Variants in ZAR1L observed in about 807,000 individuals in gnomAD.
ZAR1L encodes protein ZAR1-like.
Under a neutral mutation model 30.0 loss-of-function variants are expected in ZAR1L, and 16 were observed. The observed-to-expected ratio is 0.53, with a 90% CI of 0.36 to 0.81. ZAR1L has a LOEUF of 0.81. ZAR1L is among the 30% of genes least tolerant of loss of function. The probability of loss-of-function intolerance (pLI) is 0.00; values close to 1 mark genes in which losing one functional copy is unlikely to be tolerated. For synonymous variants in ZAR1L, 197 were observed against 166.8 expected (o/e 1.18, Z -1.40); for missense variants, 392 against 417.2 (o/e 0.94, Z 0.53).
chr13:32,307,668 G>C (rs1337144074), intron 5 of ZAR1L, among the ~76,000 whole-genome samples: 4 of 151,560 alleles, frequency 2.6e-5, no homozygotes, highest in African/African-American at 9.7e-5. Context: ...AAAGAAAAAG[G>C]GGTGGAGAAA....
intron 5 of ZAR1L, among the ~76,000 whole-genome samples, chr13:32,304,809 C>CTT (rs776182055): frequency 0.22 from 30,114 of 135,912 alleles, 3,950 homozygotes; most frequent in Non-Finnish European, 0.29. Flanking sequence ...CAAGATTTAC[C>CTT]TTTTTTTTTT....
At position 32,310,630 on chromosome 13, in the gene ZAR1L, TTTA is replaced by T. The variant is rs1461953678; in HGVS notation, c.747+6_747+8del. ...CATCCTCCTCTCACCTCCTACTCTT[TTTA>T]TTTACCTTGTTCGTTCCAGAAATGC... On this transcript the variant is annotated splice_donor_region_variant and intron_variant, in intron 4 of 5. Coordinates refer to ENST00000533490, the MANE Select transcript of ZAR1L (RefSeq NM_001136571.2). 1 of 1,542,616 alleles carries T rather than the reference TTTA, an allele frequency of 6.5e-7. No individual in the cohort carries two copies. Among genetic ancestry groups the T allele is most frequent in the Non-Finnish European group, 8.8e-7 (1 of 1,138,864 alleles).
chr13:32,308,991 CAT>C (rs1566210407), intron 4 of ZAR1L, among the ~76,000 whole-genome samples: 3 of 124,416 alleles, frequency 2.4e-5, no homozygotes, highest in Non-Finnish European at 3.4e-5. Context: ...AATTGGAATA[CAT>C]TTTTTTTTTT....
intron 5 of ZAR1L, among the ~76,000 whole-genome samples, chr13:32,305,840 T>C (rs1405773976): frequency 6.6e-6 from 1 of 152,226 alleles, no homozygotes; most frequent in African/African-American, 2.4e-5. Context: ...GACTGTTTAC[T>C]CTCACTATAG....
At position 32,311,942 on chromosome 13, in the gene ZAR1L, A is replaced by T; in HGVS notation, c.-17T>A. The T allele has an allele frequency of 6.5e-7, 1 of 1,533,498 alleles. No individual in the cohort carries two copies. Among genetic ancestry groups the T allele is most frequent in the Admixed American group, 2.0e-5 (1 of 49,412 alleles). The allele number at this position is 1,533,498 out of a possible 1,614,324, so 95.0% of individuals were successfully genotyped here. Reference sequence around the variant, plus strand: ...GCGCTCCATCCGCTCTCAGGTGCTCAGGCGCAGTCTAATATCCTAGCCAGT... The same window carrying T: ...GCGCTCCATCCGCTCTCAGGTGCTCTGGCGCAGTCTAATATCCTAGCCAGT... On this transcript the variant is annotated 5_prime_UTR_variant, in exon 3 of 6. It removes the in-frame stop codon of an upstream open reading frame in the 5' UTR. Transcript: ENST00000533490.
At chr13:32,310,041 G>A (rs983310109) in intron 4 of ZAR1L, among the ~76,000 whole-genome samples, 5 of 152,240 alleles carry the variant, frequency 3.3e-5, no homozygotes, top group Admixed American at 1.3e-4. Context: ...GCAAAACGAG[G>A]TGCACAGGGC....
At chr13:32,313,565 C>T (rs2072228874) in intron 2 of ZAR1L, among the ~76,000 whole-genome samples, 1 of 152,188 alleles carries the variant, frequency 6.6e-6, no homozygotes, top group Non-Finnish European at 1.5e-5. Context: ...CAGGGTTTTG[C>T]CATGTTGGCC....
intron 5 of ZAR1L, among the ~76,000 whole-genome samples, chr13:32,305,111 A>G (rs577322570): frequency 1.3e-5 from 2 of 151,592 alleles, no homozygotes; most frequent in Admixed American, 1.3e-4. Context: ...ATGCCTGGCC[A>G]AGATGTACCT....
At chr13:32,307,932 A>G (rs1486212729) in intron 5 of ZAR1L, among the ~76,000 whole-genome samples, 1 of 152,046 alleles carries the variant, frequency 6.6e-6, no homozygotes, top group Non-Finnish European at 1.5e-5. Flanking sequence ...CCTCCCGAGT[A>G]GCTGGGACTA....
At chr13:32,305,278 C>G (rs540298717) in intron 5 of ZAR1L, among the ~76,000 whole-genome samples, 51 of 151,996 alleles carry the variant, frequency 3.4e-4, no homozygotes, top group African/African-American at 6.5e-4. Context: ...CCAGGCTGGA[C>G]TGCAGTGGCG....
At chr13:32,311,135 A>G in intron 3 of ZAR1L, 137 bp downstream of exon 3, 1 of 1,110,072 alleles carries the variant, frequency 9.0e-7, no homozygotes, top group Non-Finnish European at 1.2e-6. Context: ...TGATATACAT[A>G]TTTTCAGAGC....
intron 2 of ZAR1L, among the ~76,000 whole-genome samples, chr13:32,313,302 CATAT>C (rs1475842445): frequency 6.6e-6 from 1 of 152,234 alleles, no homozygotes; most frequent in Non-Finnish European, 1.5e-5. Context: ...TCACTGTGTA[CATAT>C]ACATGTTGTG....
Position 32,303,806 on chromosome 13 carries a change from T to C in ZAR1L, c.*73A>G. 6.8e-7 allele frequency: 1 copy of C among 1,468,300 alleles called. No homozygotes were observed. Among genetic ancestry groups the C allele is most frequent in the Non-Finnish European group, 9.1e-7 (1 of 1,099,560 alleles). 91.0% of individuals were successfully genotyped at this position (1,468,300 alleles called of 1,614,324 possible). ...TTTCCGATGCCAGGTCAGAGCCAAGTTGCAAAAAAGGAAGACAGCACAGTA... is the reference window on the plus strand; with the variant it reads ...TTTCCGATGCCAGGTCAGAGCCAAGCTGCAAAAAAGGAAGACAGCACAGTA... On this transcript the variant is annotated 3_prime_UTR_variant, in exon 6 of 6. Coordinates refer to ENST00000533490, the MANE Select transcript of ZAR1L (RefSeq NM_001136571.2).
At chr13:32,307,261 T>C (rs2072182397) in intron 5 of ZAR1L, among the ~76,000 whole-genome samples, 2 of 151,936 alleles carry the variant, frequency 1.3e-5, no homozygotes, top group Admixed American at 6.6e-5. Flanking sequence ...CCCAGCACTT[T>C]GGGAGGCCGA....
In ZAR1L at chr13:32,303,845, G is replaced by T; in HGVS notation, c.*34C>A. 1.3e-6 allele frequency: 2 copies of T among 1,543,758 alleles called. No homozygotes were observed. The highest frequency in any genetic ancestry group is 2.7e-5 in the African/African-American group (2 of 72,904). Reference sequence around the variant, plus strand: ...GACAGCACAGTAAGTTACAAGAAGAGCTCAGGGGTCCATTACAAGTCACAC... The same window carrying T: ...GACAGCACAGTAAGTTACAAGAAGATCTCAGGGGTCCATTACAAGTCACAC... On this transcript the variant is annotated 3_prime_UTR_variant, in exon 6 of 6. Coordinates refer to ENST00000533490, the MANE Select transcript of ZAR1L (RefSeq NM_001136571.2).
Position 32,311,909 on chromosome 13 carries a change from C to A in ZAR1L, c.17G>T (p.Arg6Leu), listed in dbSNP as rs2072217104. The change falls in exon 3 of 6, where the codon CGT becomes CTT. Residue 6 changes from arginine to leucine, a missense_variant. Coordinates refer to ENST00000533490, the MANE Select transcript of ZAR1L (RefSeq NM_001136571.2). MERFV[R>L]VPYGLYQGYG... ...ACCCTGGTACAAGCCATAGGGAACA[C>A]GGACAAAGCGCTCCATCCGCTCTCA... 2 of 1,548,970 alleles carry A rather than the reference C, an allele frequency of 1.3e-6. No homozygotes were observed. The highest frequency in any genetic ancestry group is 1.2e-5 in the South Asian group (1 of 83,832).
intron 4 of ZAR1L, among the ~76,000 whole-genome samples, chr13:32,310,240 A>C (rs2072202831): frequency 6.6e-6 from 1 of 152,272 alleles, no homozygotes; most frequent in African/African-American, 2.4e-5. Flanking sequence ...GCGTAGCCTA[A>C]GTCTCTTACA....
At chr13:32,309,058 T>C (rs1348904918) in intron 4 of ZAR1L, among the ~76,000 whole-genome samples, 4 of 150,500 alleles carry the variant, frequency 2.7e-5, no homozygotes, top group African/African-American at 9.8e-5. Context: ...TGGTGGGAAA[T>C]CGGCTCACTG....
intron 5 of ZAR1L, among the ~76,000 whole-genome samples, chr13:32,307,293 G>A (rs1398959362): frequency 6.6e-6 from 1 of 151,930 alleles, no homozygotes; most frequent in East Asian, 1.9e-4. Flanking sequence ...CATGTCAGGA[G>A]TTTGAGACCA....
Sources: allele counts gnomAD v4.1 joint callset (sites outside exome capture counted in the v4.1 genomes callset), GRCh38; gene constraint gnomAD v4.1.1; transcripts MANE v1.5; gene names NCBI Gene and HGNC (gene_info 2026-07-23, HGNC 2026-07-21).